The following GSK3B variants were observed in gnomAD, a reference collection of about 807,000 sequenced individuals.
The protein encoded by GSK3B is glycogen synthase kinase-3 beta.
Under a neutral mutation model 56.4 loss-of-function variants are expected in GSK3B, and 15 were observed. The ratio of observed to expected loss-of-function variants is 0.27; its 90% CI spans 0.18 to 0.41. The LOEUF is 0.41. Among genes scored for constraint, GSK3B ranks in the 10% least tolerant of loss-of-function variants. GSK3B has a pLI of 1.00. For synonymous variants in GSK3B, 181 were observed against 188.9 expected, an observed-to-expected ratio of 0.96 and a Z score of 0.34; for missense variants, 300 against 513.4, an observed-to-expected ratio of 0.58 and a Z score of 4.02.
chr3:119,939,570 CCT>C (rs1213127199), intron 3 of GSK3B, among the ~76,000 whole-genome samples: 4 of 151,862 alleles, frequency 2.6e-5, no homozygotes, highest in Non-Finnish European at 5.9e-5. Context: ...ATGATTTATC[CCT>C]GTTTTAAAAT....
At chr3:120,018,097 T>C (rs750687251) in intron 1 of GSK3B, among the ~76,000 whole-genome samples, 23 of 152,156 alleles carry the variant, frequency 1.5e-4, no homozygotes, top group Non-Finnish European at 3.1e-4. Flanking sequence ...TGTGAAGCAC[T>C]TTACAGTTTA....
intron 10 of GSK3B, among the ~76,000 whole-genome samples, chr3:119,836,704 GGTCT>G (rs2055695949): frequency 6.6e-6 from 1 of 151,996 alleles, no homozygotes; most frequent in Admixed American, 6.5e-5. Context: ...TTTAAAGGTT[GGTCT>G]GTAGTTAAGC....
At chr3:119,889,225 ATG>A (rs1479443224) in intron 7 of GSK3B, among the ~76,000 whole-genome samples, 1 of 151,884 alleles carries the variant, frequency 6.6e-6, no homozygotes, top group Non-Finnish European at 1.5e-5. Context: ...CTGATATGTG[ATG>A]TCACCCCCGG....
At chr3:120,062,042 T>G (rs2058241668) in intron 1 of GSK3B, among the ~76,000 whole-genome samples, 1 of 152,138 alleles carries the variant, frequency 6.6e-6, no homozygotes. Context: ...ATATATGAAT[T>G]TATTATCCTT....
At chr3:119,994,011 G>A (rs991460225) in intron 2 of GSK3B, among the ~76,000 whole-genome samples, 4 of 151,966 alleles carry the variant, frequency 2.6e-5, no homozygotes, top group African/African-American at 4.8e-5. Context: ...ACAGGCACCC[G>A]CCACCATGCC....
At chr3:119,877,468 A>G (rs1172121436) in intron 7 of GSK3B, among the ~76,000 whole-genome samples, 1 of 152,192 alleles carries the variant, frequency 6.6e-6, no homozygotes, top group Non-Finnish European at 1.5e-5. Flanking sequence ...ATTATTCTTC[A>G]TTAATGTATT....
At chr3:119,902,479 A>G (rs182490354) in intron 7 of GSK3B, among the ~76,000 whole-genome samples, 1 of 152,234 alleles carries the variant, frequency 6.6e-6, no homozygotes, top group African/African-American at 2.4e-5. Context: ...TTACTGCAAC[A>G]TCTGCTTCCC....
intron 1 of GSK3B, among the ~76,000 whole-genome samples, chr3:120,010,787 G>T (rs979911513): frequency 6.6e-6 from 1 of 150,452 alleles, no homozygotes; most frequent in East Asian, 1.9e-4. Context: ...TAAATAAATG[G>T]CCAGGCATGG....
chr3:119,868,116 GAAGA>G (rs1194296049), intron 8 of GSK3B, among the ~76,000 whole-genome samples: 1 of 148,680 alleles, frequency 6.7e-6, no homozygotes, highest in African/African-American at 2.5e-5. Context: ...ATAAGAAGAA[GAAGA>G]AAGAAAAGAA....
chr3:119,840,516 G>A (rs1471309939), intron 10 of GSK3B, among the ~76,000 whole-genome samples: 2 of 152,082 alleles, frequency 1.3e-5, no homozygotes, highest in East Asian at 1.9e-4. Context: ...GAGCCACCGC[G>A]CCTGGCCGAG....
intron 7 of GSK3B, among the ~76,000 whole-genome samples, chr3:119,905,484 T>C (rs2056673721): frequency 6.6e-6 from 1 of 152,134 alleles, no homozygotes; most frequent in Admixed American, 6.5e-5. Context: ...CTAATTTTGC[T>C]TTTAAGTACT....
intron 1 of GSK3B, chr3:120,028,754 C>A: frequency 2.1e-6 from 1 of 473,612 alleles, no homozygotes; most frequent in Admixed American, 2.3e-5. Flanking sequence ...CCTGGTGAGG[C>A]TGGGCAGAGA....
At chr3:119,890,740 A>C (rs2056492286) in intron 7 of GSK3B, among the ~76,000 whole-genome samples, 1 of 124,308 alleles carries the variant, frequency 8.0e-6, no homozygotes, top group Non-Finnish European at 1.6e-5. Context: ...CTTGATTTAA[A>C]AAGTAAAAAA....
intron 2 of GSK3B, among the ~76,000 whole-genome samples, chr3:120,000,579 C>A (rs1270470708): frequency 2.0e-5 from 3 of 152,046 alleles, no homozygotes; most frequent in Non-Finnish European, 4.4e-5. Flanking sequence ...TGGAGGCTCC[C>A]ACTAAAATGT....
chr3:120,072,395 C>T (rs150462360), intron 1 of GSK3B, among the ~76,000 whole-genome samples: 134 of 152,146 alleles, frequency 8.8e-4, no homozygotes, highest in Non-Finnish European at 1.5e-3. Flanking sequence ...CATGGTAGTT[C>T]GCCATGGTAG....
At chr3:120,078,243 CA>C (rs1230532143) in intron 1 of GSK3B, among the ~76,000 whole-genome samples, 1 of 151,840 alleles carries the variant, frequency 6.6e-6, no homozygotes. Flanking sequence ...GAAATTAACA[CA>C]AAAAAAGATG....
At chr3:119,867,110 C>T (rs935810237) in intron 8 of GSK3B, among the ~76,000 whole-genome samples, 20 of 152,036 alleles carry the variant, frequency 1.3e-4, no homozygotes, top group Admixed American at 6.6e-5. Flanking sequence ...TAATGTGTTC[C>T]AGTTACACAG....
chr3:119,965,032 T>C (rs1384174411), intron 2 of GSK3B, among the ~76,000 whole-genome samples: 1 of 145,004 alleles, frequency 6.9e-6, no homozygotes, highest in African/African-American at 2.7e-5. Context: ...TGTAATATTA[T>C]GTTTTCTTTT....
At chr3:119,913,592 T>C (rs2056755208) in intron 5 of GSK3B, among the ~76,000 whole-genome samples, 1 of 151,464 alleles carries the variant, frequency 6.6e-6, no homozygotes, top group African/African-American at 2.4e-5. Flanking sequence ...CATTCTGACA[T>C]ACATTAATAA....
Sources: allele counts gnomAD v4.1 joint callset (sites outside exome capture counted in the v4.1 genomes callset), GRCh38; gene constraint gnomAD v4.1.1; transcripts MANE v1.5; gene names NCBI Gene and HGNC (gene_info 2026-07-23, HGNC 2026-07-21).